The following NPAS2 variants were observed in gnomAD, a reference collection of about 807,000 sequenced individuals.
NPAS2 encodes neuronal PAS domain-containing protein 2.
NPAS2 carries 23 observed loss-of-function variants against 107.5 expected under a neutral mutation model. That is an observed-to-expected ratio of 0.21 (90% CI 0.15 to 0.30). The LOEUF (loss-of-function observed/expected upper bound fraction) is 0.30. Ranked by LOEUF, NPAS2 falls within the 10% of genes least tolerant of loss-of-function variation. The probability of loss-of-function intolerance (pLI) is 1.00; values close to 1 mark genes in which losing one functional copy is unlikely to be tolerated. For synonymous variants in NPAS2, 403 were observed against 417.5 expected, an observed-to-expected ratio of 0.97 and a Z score of 0.42; for missense variants, 756 against 1,043.3, an observed-to-expected ratio of 0.72 and a Z score of 3.79.
rs150645751 is a variant in NPAS2, at chr2:100,912,554, T to A, written c.32+7768T>A. 2.8e-3 allele frequency among the ~76,000 whole-genome samples: 419 copies of A among 152,312 alleles called. 4 individuals are homozygous for A. The highest frequency in any genetic ancestry group is 9.8e-3 in the African/African-American group (408 of 41,562). ...GCTTGGCAGGGAGTGCCTGTTTCGTTCCAGGTGGTATCAGCCAGAGTAGCT... is the reference window on the plus strand; with the variant it reads ...GCTTGGCAGGGAGTGCCTGTTTCGTACCAGGTGGTATCAGCCAGAGTAGCT... On this transcript the variant is annotated intron_variant, in intron 2 of 20. Coordinates refer to ENST00000335681, the MANE Select transcript of NPAS2 (RefSeq NM_002518.4).
intron 2 of NPAS2, among the ~76,000 whole-genome samples, chr2:100,914,750 T>TATGAG (rs1682765351): frequency 6.6e-6 from 1 of 152,200 alleles, no homozygotes; most frequent in Non-Finnish European, 1.5e-5. Flanking sequence ...TGAAAAGATA[T>TATGAG]ATGAGAGTTT....
intron 7 of NPAS2, among the ~76,000 whole-genome samples, chr2:100,962,049 G>A (rs779278632): frequency 6.4e-4 from 98 of 152,034 alleles, no homozygotes; most frequent in Non-Finnish European, 1.2e-3. Flanking sequence ...CTGTAGAACC[G>A]TCCCTTATGT....
intron 7 of NPAS2, among the ~76,000 whole-genome samples, chr2:100,957,378 C>G (rs1340520734): frequency 6.6e-6 from 1 of 152,196 alleles, no homozygotes. Flanking sequence ...TAGGAGCAGC[C>G]CTTTTCTTCC....
rs115316313 is a variant in NPAS2 at position 100,958,282 on chromosome 2, C to T, written c.599-5776C>T. On this transcript the variant is annotated intron_variant, in intron 7 of 20. Transcript: ENST00000335681. ...TTACAACACTCGATTTTGTATGTTC[C>T]GTGGGATTTCTGGAGGTTGCCTCAT... Among the ~76,000 whole-genome samples, 380 of 152,276 alleles carry T rather than the reference C, an allele frequency of 2.5e-3. 2 individuals carry two copies. The highest frequency in any genetic ancestry group is 8.5e-3 in the African/African-American group (352 of 41,542).
At chr2:100,982,874 G>A (rs34512416) in intron 16 of NPAS2, 17,394 of 153,382 alleles carry the variant, frequency 0.11, 1,349 homozygotes, top group Middle Eastern at 0.29. Context: ...GAGCTGGGTG[G>A]CTCCCCATTT....
At chr2:100,951,828 C>G (rs1675239329) in intron 7 of NPAS2, among the ~76,000 whole-genome samples, 1 of 151,964 alleles carries the variant, frequency 6.6e-6, no homozygotes, top group African/African-American at 2.4e-5. Flanking sequence ...CGATGGCAAA[C>G]TTTGTTATAT....
intron 1 of NPAS2, among the ~76,000 whole-genome samples, chr2:100,860,936 A>G (rs1203711095): frequency 1.3e-5 from 2 of 151,734 alleles, no homozygotes; most frequent in Non-Finnish European, 2.9e-5. Flanking sequence ...TCTTTTGCCC[A>G]AGCTGGAGTA....
intron 1 of NPAS2, among the ~76,000 whole-genome samples, chr2:100,899,074 G>A (rs766581647): frequency 6.6e-6 from 1 of 152,154 alleles, no homozygotes; most frequent in Non-Finnish European, 1.5e-5. Flanking sequence ...AATTGTCAAG[G>A]CCTGAGAAAC....
At chr2:100,840,603 A>ATT (rs36087386) in intron 1 of NPAS2, among the ~76,000 whole-genome samples, 6 of 145,650 alleles carry the variant, frequency 4.1e-5, no homozygotes, top group South Asian at 4.4e-4. Context: ...CACAGCCCCC[A>ATT]TTTTTTTTTT....
chr2:100,946,028 C>T (rs1006290155), intron 5 of NPAS2, among the ~76,000 whole-genome samples: 13 of 152,192 alleles, frequency 8.5e-5, no homozygotes, highest in Admixed American at 6.5e-5. Context: ...GAGAGGGAGG[C>T]GGAATGCTCA....
Position 100,882,431 on chromosome 2 carries a change from A to C in NPAS2, c.-22-22302A>C, listed in dbSNP as rs1335914465. 2.0e-5 allele frequency among the ~76,000 whole-genome samples: 3 copies of C among 152,274 alleles called. No individual in the cohort carries two copies. The East Asian group carries it at 5.8e-4, about 29-fold the overall frequency. On this transcript the variant is annotated intron_variant, in intron 1 of 20. Transcript: ENST00000335681. ...GAGACCATCCTGGCTAACACAGTGA[A>C]ACCCCATCTCTACTAAAAATACAAA...
intron 1 of NPAS2, among the ~76,000 whole-genome samples, chr2:100,827,496 A>T (rs1676460691): frequency 6.6e-6 from 1 of 152,078 alleles, no homozygotes. Context: ...CCAGGTACTG[A>T]TGTAGTACCC....
At chr2:100,863,804 T>C (rs921134836) in intron 1 of NPAS2, among the ~76,000 whole-genome samples, 1 of 152,186 alleles carries the variant, frequency 6.6e-6, no homozygotes, top group African/African-American at 2.4e-5. Flanking sequence ...TGTATATATG[T>C]ATATAATTTA....
At chr2:100,880,148 GGA>G (rs1414997802) in intron 1 of NPAS2, among the ~76,000 whole-genome samples, 1 of 152,132 alleles carries the variant, frequency 6.6e-6, no homozygotes, top group Non-Finnish European at 1.5e-5. Context: ...TGGAGAGATT[GGA>G]ACACTCATAC....
At position 100,902,042 on chromosome 2, in the gene NPAS2, T is replaced by G. The variant is rs552764480; in HGVS notation, c.-22-2691T>G. Among the ~76,000 whole-genome samples the G allele has an allele frequency of 2.0e-5, 3 of 152,246 alleles. No homozygotes were observed. In the East Asian group the frequency reaches 5.8e-4, roughly 29 times the overall value. On this transcript the variant is annotated intron_variant, in intron 1 of 20. Transcript: ENST00000335681. Reference sequence around the variant, plus strand: ...CCTCTGCTTTCATTTAAGCTCCTTTTCTGTTTTCTGGCACTCTGTGATCAA... The same window carrying G: ...CCTCTGCTTTCATTTAAGCTCCTTTGCTGTTTTCTGGCACTCTGTGATCAA...
At chr2:100,930,459 G>A (rs1350958570) in intron 3 of NPAS2, among the ~76,000 whole-genome samples, 1 of 152,150 alleles carries the variant, frequency 6.6e-6, no homozygotes, top group Admixed American at 6.5e-5. Context: ...TGATATCAGA[G>A]TAGAATTTGG....
chr2:100,927,903 C>A (rs1386211783), intron 3 of NPAS2, among the ~76,000 whole-genome samples: 2 of 152,112 alleles, frequency 1.3e-5, no homozygotes, highest in Admixed American at 1.3e-4. Context: ...GAGCAGAATT[C>A]TTTTTTCTTT....
At chr2:100,836,652 G>A (rs771805396) in intron 1 of NPAS2, among the ~76,000 whole-genome samples, 9 of 152,152 alleles carry the variant, frequency 5.9e-5, no homozygotes, top group Non-Finnish European at 8.8e-5. Context: ...GCTCTACCGA[G>A]TGAATGCCCT....
At chr2:100,970,963 A>C (rs1192515204) in intron 11 of NPAS2, 27 bp from the exon 12 acceptor site, 1 of 1,608,102 alleles carries the variant, frequency 6.2e-7, no homozygotes, top group Non-Finnish European at 8.5e-7. Flanking sequence ...CCCCATCTCC[A>C]CTGTGGTCTC....
Sources: gnomAD v4.1 joint callset for allele counts (sites outside exome capture counted in the v4.1 genomes callset) on GRCh38, gnomAD v4.1.1 for gene constraint, MANE v1.5 for transcripts, NCBI Gene and HGNC (gene_info 2026-07-23, HGNC 2026-07-21) for gene names.